Variants in SLC17A6 observed in about 807,000 individuals in gnomAD.
SLC17A6 encodes solute carrier family 17 member 6.
SLC17A6 carries 35 observed loss-of-function variants against 67.1 expected under a neutral mutation model. The ratio of observed to expected loss-of-function variants is 0.52; its 90% CI spans 0.40 to 0.69. SLC17A6 has a LOEUF of 0.69. Among genes scored for constraint, SLC17A6 ranks in the 30% least tolerant of loss-of-function variants. The pLI is 0.00. For missense variants in SLC17A6, 588 were observed against 723.9 expected (o/e 0.81, Z 2.15); for synonymous variants, 285 against 252.3 (o/e 1.13, Z -1.23).
In SLC17A6 at chr11:22,376,638, G is replaced by A; in HGVS notation, c.1379G>A (p.Cys460Tyr). The A allele has an allele frequency of 6.2e-7, 1 of 1,613,982 alleles. No individual in the cohort carries two copies. The highest frequency in any genetic ancestry group is 8.5e-7 in the Non-Finnish European group (1 of 1,179,932). Residue 460 changes from cysteine to tyrosine, a missense_variant, in exon 11 of 12, where the codon TGT becomes TAT. Cys to Tyr is a radical substitution (Grantham distance 194, BLOSUM62 -2). Coordinates refer to ENST00000263160, the MANE Select transcript of SLC17A6 (RefSeq NM_020346.3). The stretch of plus-strand genomic sequence containing the variant: ...GTTGGCACATTGTCAGGAATGGTTT[G>A]TCCTATCATTGTTGGTGCAATGACA... ...NGVGTLSGMV[C>Y]PIIVGAMTKN...
chr11:22,374,178 A>T (rs552997695), intron 8 of SLC17A6, among the ~76,000 whole-genome samples: 2 of 152,302 alleles, frequency 1.3e-5, no homozygotes, highest in African/African-American at 4.8e-5. Flanking sequence ...AAATTAATTC[A>T]GAAACTATAT....
Position 22,370,133 on chromosome 11 carries a change from T to C in SLC17A6, c.986T>C (p.Leu329Ser). 6.2e-7 allele frequency: 1 copy of C among 1,612,366 alleles called. No homozygotes were observed. The highest frequency in any genetic ancestry group is 8.5e-7 in the Non-Finnish European group (1 of 1,179,172). Reference protein sequence around the residue: ...NFCRSWTFYLLLISQPAYFEE... With the variant: ...NFCRSWTFYLSLISQPAYFEE... ...TGCAGAAGCTGGACTTTTTATTTAT[T>C]GCTTATTAGTCAGCCAGCATATTTT... Residue 329 changes from leucine (L) to serine (S), a missense_variant, in exon 8 of 12, where the codon TTG (leucine) becomes TCG (serine). This residue lies in a region of SLC17A6 where 414 missense variants were observed against 563.4 expected (regional missense o/e 0.73). Coordinates refer to ENST00000263160, the MANE Select transcript of SLC17A6 (RefSeq NM_020346.3).
Position 22,377,508 on chromosome 11 carries a change from C to A in SLC17A6, c.1517C>A (p.Ala506Glu), listed in dbSNP as rs764346080. Residue 506 changes from alanine to glutamate, a missense_variant, in exon 12 of 12, where the codon GCA becomes GAA. This residue lies in a region of SLC17A6 where 414 missense variants were observed against 563.4 expected (regional missense o/e 0.73). Coordinates refer to ENST00000263160, the MANE Select transcript of SLC17A6 (RefSeq NM_020346.3). ...GCCTCAGGAGAGAAACAACCCTGGG[C>A]AGACCCGGAGGAAACAAGTGAAGAA... is the stretch of plus-strand genomic sequence containing the variant. ...IFASGEKQPW[A>E]DPEETSEEKC... The A allele has an allele frequency of 6.2e-7, 1 of 1,614,108 alleles. No homozygotes were observed. Among genetic ancestry groups the A allele is most frequent in the African/African-American group, 1.3e-5 (1 of 75,030 alleles).
chr11:22,349,347 C>T (rs1005680461), intron 3 of SLC17A6, among the ~76,000 whole-genome samples: 1 of 152,140 alleles, frequency 6.6e-6, no homozygotes, highest in African/African-American at 2.4e-5. Flanking sequence ...ATCTAGCTGC[C>T]TTCCTATTGT....
chr11:22,375,946 A>C (rs757754853), intron 9 of SLC17A6, 36 bp from the exon 10 acceptor site: 1 of 1,536,478 alleles, frequency 6.5e-7, no homozygotes, highest in East Asian at 2.3e-5. Context: ...AAATTTCAAA[A>C]ATTTCTGAAG....
chr11:22,366,595 AAG>A (rs1368213619), intron 7 of SLC17A6, among the ~76,000 whole-genome samples: 1 of 152,230 alleles, frequency 6.6e-6, no homozygotes. Context: ...TTACCTAAAA[AAG>A]AGAGAAAACA....
At chr11:22,352,353 A>T (rs150348364) in intron 3 of SLC17A6, among the ~76,000 whole-genome samples, 287 of 152,362 alleles carry the variant, frequency 1.9e-3, no homozygotes, top group African/African-American at 6.6e-3. Flanking sequence ...ATTCTATGAA[A>T]ATAACTCAGC....
chr11:22,369,991 T>C, intron 7 of SLC17A6, 48 bp from the exon 8 acceptor site: 2 of 1,571,960 alleles, frequency 1.3e-6, no homozygotes, highest in Non-Finnish European at 8.6e-7. Flanking sequence ...CCACTTAGGT[T>C]TGAAAATATT....
chr11:22,376,613 GT>G lies in SLC17A6; in HGVS notation c.1356del (p.Gly453AlafsTer15). ...ASILMGISNG[V>X]GTLSGMVCPI... is the part of the protein sequence containing the mutation. ...TATCTTAATGGGCATTTCGAATGGT[GT>G]TGGCACATTGTCAGGAATGGTTTGT... is the stretch of plus-strand genomic sequence containing the variant. On this transcript the variant is annotated frameshift_variant, in exon 11 of 12. Transcript: ENST00000263160. LOFTEE classifies it high-confidence loss of function. The G allele has an allele frequency of 6.2e-7, 1 of 1,613,980 alleles. No homozygotes were observed. Among genetic ancestry groups the G allele is most frequent in the Non-Finnish European group, 8.5e-7 (1 of 1,179,932 alleles).
At chr11:22,338,757 G>T in intron 1 of SLC17A6, 138 bp downstream of exon 1, 3 of 660,136 alleles carry the variant, frequency 4.5e-6, no homozygotes, top group Non-Finnish European at 8.0e-6. Context: ...TGGAGCGGGG[G>T]TGCTCTGGAA....
chr11:22,362,459 A>G (rs188149478), intron 5 of SLC17A6, among the ~76,000 whole-genome samples: 5 of 152,342 alleles, frequency 3.3e-5, no homozygotes, highest in Non-Finnish European at 5.9e-5. Flanking sequence ...CATGCAGGAC[A>G]CATGCCAATC....
chr11:22,366,255 T>G (rs1036749293), intron 7 of SLC17A6, among the ~76,000 whole-genome samples: 3 of 152,100 alleles, frequency 2.0e-5, no homozygotes, highest in African/African-American at 7.2e-5. Context: ...TAAGGAAACT[T>G]AAGTGAATGT....
intron 3 of SLC17A6, among the ~76,000 whole-genome samples, chr11:22,355,985 A>T (rs745827027): frequency 6.6e-6 from 1 of 152,138 alleles, no homozygotes; most frequent in Non-Finnish European, 1.5e-5. Context: ...ACTGAGGTCC[A>T]TCCTCTTCTT....
rs1040696647 is a variant in SLC17A6, at chr11:22,369,118, T to C, written c.892-921T>C. 1.8e-4 allele frequency among the ~76,000 whole-genome samples: 27 copies of C among 152,034 alleles called. 2 individuals carry two copies. The highest frequency in any genetic ancestry group is 4.4e-5 in the Non-Finnish European group (3 of 67,910). ...ATCCCAAGTTAACTTTTAACAAAGT[T>C]ATTTTAGGCTACTGTTTCCTCACCA... On this transcript the variant is annotated intron_variant, in intron 7 of 11. Coordinates refer to ENST00000263160, the MANE Select transcript of SLC17A6 (RefSeq NM_020346.3).
At chr11:22,371,068 A>G (rs956850926) in intron 8 of SLC17A6, among the ~76,000 whole-genome samples, 1 of 152,138 alleles carries the variant, frequency 6.6e-6, no homozygotes, top group Non-Finnish European at 1.5e-5. Flanking sequence ...CACGCTAGTA[A>G]TGCACGACAA....
At chr11:22,348,904 C>T (rs1039542005) in intron 3 of SLC17A6, among the ~76,000 whole-genome samples, 16 of 152,056 alleles carry the variant, frequency 1.1e-4, no homozygotes, top group African/African-American at 3.6e-4. Context: ...ATGTGTTAAG[C>T]CCAGAAAGGA....
chr11:22,369,131 T>C (rs900083275), intron 7 of SLC17A6, among the ~76,000 whole-genome samples: 1 of 152,018 alleles, frequency 6.6e-6, no homozygotes, highest in Non-Finnish European at 1.5e-5. Context: ...TTTAGGCTAC[T>C]GTTTCCTCAC....
intron 2 of SLC17A6, among the ~76,000 whole-genome samples, chr11:22,342,512 C>A (rs539703206): frequency 2.6e-5 from 4 of 152,270 alleles, no homozygotes; most frequent in African/African-American, 9.6e-5. Context: ...AGTTCTCAGG[C>A]GGGAAAAGCG....
Position 22,339,678 on chromosome 11 carries a change from T to C in SLC17A6, c.86+1059T>C, listed in dbSNP as rs894292700. Among the ~76,000 whole-genome samples the C allele has an allele frequency of 2.6e-5, 4 of 152,250 alleles. No homozygotes were observed. The South Asian group carries it at 6.2e-4, about 24-fold the overall frequency. ...TTTGGGAAATTGAAGTCTCTGTAAA[T>C]GCATGAGAAATGTAAAGAAAATGAT... On this transcript the variant is annotated intron_variant, in intron 1 of 11. Transcript: ENST00000263160.
Sources: gnomAD v4.1 joint callset for allele counts (sites outside exome capture counted in the v4.1 genomes callset) on GRCh38, gnomAD v4.1.1 for gene constraint, gnomAD v4.1.1 regional missense constraint, MANE v1.5 for transcripts, NCBI Gene and HGNC (gene_info 2026-07-23, HGNC 2026-07-21) for gene names.